The following LRRK1 variants were observed in gnomAD, a reference collection of about 807,000 sequenced individuals.
LRRK1 encodes the protein leucine-rich repeat serine/threonine-protein kinase 1.
A neutral mutation model predicts 209.1 loss-of-function variants in LRRK1; 113 were observed. The observed-to-expected ratio is 0.54, with a 90% CI of 0.46 to 0.63. The LOEUF is 0.63. LRRK1 is among the 30% of genes least tolerant of loss of function. The probability of loss-of-function intolerance (pLI) is 0.00; values close to 1 mark genes in which losing one functional copy is unlikely to be tolerated. For synonymous variants in LRRK1, 1,144 were observed against 1,099.7 expected (o/e 1.04, Z -0.80); for missense variants, 2,284 against 2,632.2 (o/e 0.87, Z 2.89).
intron 2 of LRRK1, among the ~76,000 whole-genome samples, chr15:100,929,327 AG>A (rs2042168791): frequency 6.6e-6 from 1 of 152,242 alleles, no homozygotes; most frequent in African/African-American, 2.4e-5. Context: ...GCCCTGCCAC[AG>A]TCACACACCT....
Position 101,069,191 on chromosome 15 carries a change from G to C in LRRK1, c.*343G>C, listed in dbSNP as rs2036690187. 5.5e-6 allele frequency: 1 copy of C among 183,324 alleles called. No individual in the cohort carries two copies. The highest frequency in any genetic ancestry group is 1.1e-5 in the Non-Finnish European group (1 of 88,370). The allele number at this position is 183,324 out of a possible 1,614,324, so 11.4% of individuals were successfully genotyped here. A position where few individuals can be genotyped will look rare whatever the true frequency, so the allele number is the denominator to read the frequency against. On this transcript the variant is annotated 3_prime_UTR_variant, in exon 34 of 34. Coordinates refer to ENST00000388948, the MANE Select transcript of LRRK1 (RefSeq NM_024652.6). ...CCTGTTCTGAGCTGGGTCAAACAAAGCAGGGCCGGGCCTTCCTGCCATCCC... is the reference window on the plus strand; with the variant it reads ...CCTGTTCTGAGCTGGGTCAAACAAACCAGGGCCGGGCCTTCCTGCCATCCC...
intron 2 of LRRK1, among the ~76,000 whole-genome samples, chr15:100,970,427 T>C (rs924735789): frequency 6.6e-6 from 1 of 152,220 alleles, no homozygotes; most frequent in Admixed American, 6.5e-5. Context: ...CTGCTTTGGC[T>C]CCCTTGTCAA....
chr15:101,053,031 G>T lies in LRRK1; in HGVS notation c.3799G>T (p.Val1267Leu). The T allele has an allele frequency of 6.2e-7, 1 of 1,613,088 alleles. No homozygotes were observed. Among genetic ancestry groups the T allele is most frequent in the Non-Finnish European group, 8.5e-7 (1 of 1,179,410 alleles). The change falls in exon 25 of 34, where the codon GTG (valine) becomes TTG (leucine). Residue 1267 changes from valine to leucine, a missense_variant. Val to Leu is a conservative substitution (Grantham distance 32). Around this residue, in one of 6 missense-constraint regions of LRRK1, gnomAD observed 780 missense variants for 985.2 expected, o/e 0.79. Coordinates refer to ENST00000388948, the MANE Select transcript of LRRK1 (RefSeq NM_024652.6). ...CCGGGCCCGGTACCAGGGCCAGCCT[G>T]TGGCCGTCAAGCGCTTCCACATCAA... ...IYRARYQGQP[V>L]AVKRFHIKKF...
chr15:101,049,204 A>ACTT (rs1338284034), intron 22 of LRRK1, among the ~76,000 whole-genome samples: 5 of 152,228 alleles, frequency 3.3e-5, no homozygotes, highest in Non-Finnish European at 7.3e-5. Flanking sequence ...TTTACAATGA[A>ACTT]CTTTGCAAAA....
intron 27 of LRRK1, among the ~76,000 whole-genome samples, chr15:101,055,844 C>G (rs983598550): frequency 2.0e-5 from 3 of 152,208 alleles, no homozygotes; most frequent in African/African-American, 7.2e-5. Context: ...TGTATTACAT[C>G]TAGTGCCAGC....
chr15:101,012,081 T>C lies in LRRK1; in HGVS notation c.1355T>C (p.Leu452Pro), dbSNP rs777438481. The C allele has an allele frequency of 1.3e-5, 21 of 1,613,038 alleles. No homozygotes were observed. The highest frequency in any genetic ancestry group is 2.7e-5 in the African/African-American group (2 of 74,894). Residue 452 changes from leucine (L) to proline (P), a missense_variant, in exon 10 of 34, where the codon CTG (leucine) becomes CCG (proline). Transcript: ENST00000388948. ...DKMAVFWKNH[L>P]KDVDFSENAL... ...ATGGCTGTCTTTTGGAAAAATCACC[T>C]GAAGGATGTGGATTTCTCAGAAAAC...
At position 101,029,150 on chromosome 15, in the gene LRRK1, A is replaced by G; in HGVS notation, c.2881A>G (p.Thr961Ala). The stretch of plus-strand genomic sequence containing the variant: ...AGACCTCAGGATGCTGCTGGTGGGG[A>G]CTGGCTTCACGCAGCAGACGGAAGA... ...AEDLRMLLVG[T>A]GFTQQTEEQY... The change falls in exon 20 of 34, where the codon ACT becomes GCT. Residue 961 changes from threonine to alanine, a missense_variant. Thr to Ala is a moderately conservative substitution (Grantham distance 58, BLOSUM62 0). Transcript: ENST00000388948. 5 of 1,614,092 alleles carry G rather than the reference A, an allele frequency of 3.1e-6. No individual in the cohort carries two copies. The highest frequency in any genetic ancestry group is 4.2e-6 in the Non-Finnish European group (5 of 1,180,000).
At chr15:101,061,372 T>C in intron 30 of LRRK1, 84 bp downstream of exon 30, 1 of 902,236 alleles carries the variant, frequency 1.1e-6, no homozygotes, top group Non-Finnish European at 1.8e-6. Context: ...TTCATAAAAA[T>C]ACAGGACGCC....
intron 2 of LRRK1, among the ~76,000 whole-genome samples, chr15:100,948,515 C>G (rs1289791428): frequency 6.6e-6 from 1 of 152,186 alleles, no homozygotes; most frequent in African/African-American, 2.4e-5. Context: ...TTTGTCTATA[C>G]GTTGCAAATT....
At chr15:101,059,680 G>A (rs776592244) in intron 29 of LRRK1, among the ~76,000 whole-genome samples, 4 of 152,120 alleles carry the variant, frequency 2.6e-5, no homozygotes, top group African/African-American at 7.2e-5. Flanking sequence ...GGATAGACTC[G>A]TGACATAGTT....
intron 6 of LRRK1, among the ~76,000 whole-genome samples, chr15:101,007,329 A>G (rs1408668090): frequency 6.6e-6 from 1 of 152,196 alleles, no homozygotes; most frequent in East Asian, 1.9e-4. Context: ...TCGAAGAAAC[A>G]GACCCAAAAG....
At chr15:101,057,172 T>C in intron 28 of LRRK1, 122 bp downstream of exon 28, 1 of 761,658 alleles carries the variant, frequency 1.3e-6, no homozygotes, top group South Asian at 1.9e-5. Context: ...TCTGCTCATT[T>C]CTTCTAGAGG....
At position 101,028,000 on chromosome 15, in the gene LRRK1, T is replaced by C. The variant is rs114361443; in HGVS notation, c.2686+203T>C. ...CACAAACAGCTACTCTACACCAGCA[T>C]TGTGTTTGCCACGAGGACAGACATA... On this transcript the variant is annotated intron_variant, in intron 19 of 33. Coordinates refer to ENST00000388948, the MANE Select transcript of LRRK1 (RefSeq NM_024652.6). This position sits in a 1 kb window ranked among gnomAD's most constrained non-coding sequence, Gnocchi z 5.1. Among the ~76,000 whole-genome samples, 970 of 152,266 alleles carry C rather than the reference T, an allele frequency of 6.4e-3. 13 individuals carry two copies. The highest frequency in any genetic ancestry group is 0.022 in the African/African-American group (927 of 41,554).
At chr15:100,937,581 C>A (rs1255191441) in intron 2 of LRRK1, among the ~76,000 whole-genome samples, 1 of 151,952 alleles carries the variant, frequency 6.6e-6, no homozygotes, top group Admixed American at 6.6e-5. Context: ...GTCCCCCAGG[C>A]TGGAGTGCAG....
At chr15:100,938,210 A>C (rs2042337886) in intron 2 of LRRK1, among the ~76,000 whole-genome samples, 1 of 152,118 alleles carries the variant, frequency 6.6e-6, no homozygotes, top group Admixed American at 6.6e-5. Flanking sequence ...ACACAAGTAG[A>C]GAGAATATTA....
chr15:101,034,381 T>C (rs1402048086), intron 20 of LRRK1, among the ~76,000 whole-genome samples: 1 of 152,202 alleles, frequency 6.6e-6, no homozygotes, highest in Non-Finnish European at 1.5e-5. Flanking sequence ...AGTTTATAGT[T>C]TGGGGTCTTA....
At chr15:100,987,172 C>T (rs1260762854) in intron 4 of LRRK1, among the ~76,000 whole-genome samples, 1 of 152,174 alleles carries the variant, frequency 6.6e-6, no homozygotes, top group East Asian at 1.9e-4. Context: ...AGCCTCAGCC[C>T]TATGCTACAT....
Position 100,968,646 on chromosome 15 carries a change from TTTTCTTTTTCTTTCTTTC to T in LRRK1, c.98-5132_98-5115del, listed in dbSNP as rs1223740351. On this transcript the variant is annotated intron_variant, in intron 2 of 33. Transcript: ENST00000388948. The stretch of plus-strand genomic sequence containing the variant: ...TTTGCCCTCTCTCTTTCTTTCTTCC[TTTTCTTTTTCTTTCTTTC>T]TTTCTTTTTCTTTCTTTCTTTCTTT... Among the ~76,000 whole-genome samples, 7 of 151,884 alleles carry T rather than the reference TTTTCTTTTTCTTTCTTTC, an allele frequency of 4.6e-5. No homozygotes were observed. In the South Asian group the frequency reaches 6.2e-4, roughly 14 times the overall value.
At chr15:101,066,815 C>A in intron 33 of LRRK1, 74 bp downstream of exon 33, 2 of 1,200,092 alleles carry the variant, frequency 1.7e-6, no homozygotes, top group South Asian at 1.2e-5. Flanking sequence ...CCAGGTCCTG[C>A]ACAGTGGCTT....
Sources: gnomAD v4.1 joint callset for allele counts (sites outside exome capture counted in the v4.1 genomes callset) on GRCh38, gnomAD v4.1.1 for gene constraint, gnomAD v4.1.1 regional missense constraint, Gnocchi (gnomAD v3.1) non-coding constraint, MANE v1.5 for transcripts, NCBI Gene and HGNC (gene_info 2026-07-23, HGNC 2026-07-21) for gene names.